Variants in LMX1B observed in about 807,000 individuals in gnomAD.
The protein encoded by LMX1B is LIM homeobox transcription factor 1 beta.
LMX1B carries 12 observed loss-of-function variants against 51.4 expected under a neutral mutation model. That is an observed-to-expected ratio of 0.23 (90% confidence interval 0.15 to 0.38). The LOEUF is 0.38. Ranked by LOEUF, LMX1B falls within the 10% of genes least tolerant of loss-of-function variation. LMX1B has a pLI of 1.00. For synonymous variants in LMX1B, 237 were observed against 235.4 expected, an observed-to-expected ratio of 1.01 and a Z score of -0.06; for missense variants, 445 against 571.1, an observed-to-expected ratio of 0.78 and a Z score of 2.25.
rs774910309 is a variant in LMX1B, at chr9:126,693,265, C to T, written c.683C>T (p.Thr228Met). The T allele has an allele frequency of 7.4e-6, 12 of 1,611,722 alleles. No individual in the cohort carries two copies. The highest frequency in any genetic ancestry group is 2.7e-5 in the African/African-American group (2 of 74,878). The change falls in exon 4 of 8, where the codon ACG becomes ATG. Residue 228 changes from threonine (T) to methionine (M), a missense_variant. Around this residue, in one of 3 missense-constraint regions of LMX1B, gnomAD observed 273 missense variants for 343.3 expected, o/e 0.80. Transcript: ENST00000373474. ...RPKRPRTILT[T>M]QQRRAFKASF... ...AAGCGACCCCGGACCATCCTCACCA[C>T]GCAGCAGCGAAGAGCCTTCAAGGCC...
intron 3 of LMX1B, among the ~76,000 whole-genome samples, chr9:126,692,085 T>G (rs1027294062): frequency 5.3e-5 from 8 of 152,170 alleles, no homozygotes; most frequent in African/African-American, 1.9e-4. Context: ...CCTGGAGCCC[T>G]CCGGCAACAG....
intron 2 of LMX1B, among the ~76,000 whole-genome samples, chr9:126,627,966 G>T (rs1453877718): frequency 2.0e-5 from 3 of 152,274 alleles, no homozygotes; most frequent in Admixed American, 6.5e-5. Context: ...GGATGGGAAG[G>T]TTCTTCAATC....
chr9:126,678,917 A>G (rs544146343), intron 2 of LMX1B, among the ~76,000 whole-genome samples: 1 of 152,350 alleles, frequency 6.6e-6, no homozygotes, highest in South Asian at 2.1e-4. Context: ...GCTCAAAGAA[A>G]GTTTATTAGT....
At chr9:126,624,962 T>G (rs1477890808) in intron 2 of LMX1B, among the ~76,000 whole-genome samples, 1 of 152,220 alleles carries the variant, frequency 6.6e-6, no homozygotes, top group African/African-American at 2.4e-5. Context: ...CGGTTTTATC[T>G]TCTAATAAGA....
rs1312579911 is a variant in LMX1B at position 126,658,802 on chromosome 9, C to T, written c.327-32034C>T. 6.6e-6 allele frequency among the ~76,000 whole-genome samples: 1 copy of T among 152,254 alleles called. No homozygotes were observed. Among genetic ancestry groups the T allele is most frequent in the Non-Finnish European group, 1.5e-5 (1 of 68,042 alleles). ...GGAAAGTCATTTGCATTCATTGCAG[C>T]AGGAGAGACCGGGGGTTCAAATTCA... On this transcript the variant is annotated intron_variant, in intron 2 of 7. Transcript: ENST00000373474. The surrounding 1 kb of genome is among the most constrained non-coding windows in gnomAD (Gnocchi z 4.0).
chr9:126,629,974 T>C (rs1835603743), intron 2 of LMX1B, among the ~76,000 whole-genome samples: 2 of 151,680 alleles, frequency 1.3e-5, no homozygotes, highest in African/African-American at 4.8e-5. Flanking sequence ...TGAAACCCCG[T>C]CTCCACTAAA....
At position 126,673,706 on chromosome 9, in the gene LMX1B, C is replaced by T. The variant is rs1051004403; in HGVS notation, c.327-17130C>T. Reference sequence around the variant, plus strand: ...ACTGTGCTTCCTGGGCGCCTCACCTCCTCCCTGACTCCTGGAGACTCCCAG... The same window carrying T: ...ACTGTGCTTCCTGGGCGCCTCACCTTCTCCCTGACTCCTGGAGACTCCCAG... On this transcript the variant is annotated intron_variant, in intron 2 of 7. Transcript: ENST00000373474. The surrounding 1 kb of genome is among the most constrained non-coding windows in gnomAD (Gnocchi z 4.4). Among the ~76,000 whole-genome samples the T allele has an allele frequency of 6.6e-6, 1 of 152,116 alleles. No homozygotes were observed. The highest frequency in any genetic ancestry group is 1.5e-5 in the Non-Finnish European group (1 of 68,024).
chr9:126,620,477 A>G (rs1345050278), intron 2 of LMX1B, among the ~76,000 whole-genome samples: 1 of 152,180 alleles, frequency 6.6e-6, no homozygotes, highest in Non-Finnish European at 1.5e-5. Context: ...CGGGGGATCC[A>G]TTATCCTCTC....
At chr9:126,680,489 C>T (rs1433843295) in intron 2 of LMX1B, among the ~76,000 whole-genome samples, 1 of 152,180 alleles carries the variant, frequency 6.6e-6, no homozygotes, top group Non-Finnish European at 1.5e-5. Flanking sequence ...ATGTGGGCAA[C>T]AGTCAATACA....
chr9:126,684,817 G>A (rs187491660), intron 2 of LMX1B, among the ~76,000 whole-genome samples: 76 of 152,296 alleles, frequency 5.0e-4, no homozygotes, highest in African/African-American at 1.8e-3. Context: ...AGCCCTGCAG[G>A]AGGCATGCGT....
At chr9:126,682,083 C>CTTTTTTTTT (rs71377953) in intron 2 of LMX1B, among the ~76,000 whole-genome samples, 35 of 53,376 alleles carry the variant, frequency 6.6e-4, no homozygotes, top group Non-Finnish European at 7.6e-4. Context: ...TCCCCAGGGT[C>CTTTTTTTTT]TTTTTTTTTT....
chr9:126,661,277 C>T (rs1243186005), intron 2 of LMX1B, among the ~76,000 whole-genome samples: 5 of 134,564 alleles, frequency 3.7e-5, no homozygotes, highest in African/African-American at 7.5e-5. Context: ...GGACGCCCCA[C>T]GCAGGGCGAC....
rs375778910 is a variant in LMX1B, at chr9:126,653,255, C to T, written c.327-37581C>T. On this transcript the variant is annotated intron_variant, in intron 2 of 7. Transcript: ENST00000373474. The stretch of plus-strand genomic sequence containing the variant: ...GCAGCCTTGACCTGCCAGGCTGAAG[C>T]AATTCTCCTACCTCAGCTACCCCCG... Among the ~76,000 whole-genome samples, 74 of 142,378 alleles carry T rather than the reference C, an allele frequency of 5.2e-4. No homozygotes were observed. In the South Asian group the frequency reaches 0.011, roughly 21 times the overall value. The allele number at this position is 142,378 out of a possible 152,430, so 93.4% of individuals were successfully genotyped here.
At chr9:126,683,142 C>T (rs1384461039) in intron 2 of LMX1B, among the ~76,000 whole-genome samples, 11 of 150,974 alleles carry the variant, frequency 7.3e-5, no homozygotes, top group Non-Finnish European at 1.6e-4. Flanking sequence ...GCAGGGGCAG[C>T]CCTCGCTGCA....
rs1835332458 is a variant in LMX1B, at chr9:126,617,884, AG to A, written c.326+2317del. ...ATAACGCCAATTAGGTATCTGCGTT[AG>A]GCCGGCCGGCAGGATGTGCTGGGGG... On this transcript the variant is annotated intron_variant, in intron 2 of 7. Transcript: ENST00000373474. 8.4e-5 allele frequency among the ~76,000 whole-genome samples: 9 copies of A among 107,142 alleles called. No homozygotes were observed. In the South Asian group the frequency reaches 3.2e-3, roughly 38 times the overall value. 70.3% of individuals were successfully genotyped at this position (107,142 alleles called of 152,430 possible).
rs1218167913 is a variant in LMX1B at position 126,699,133 on chromosome 9, TTC to T, written c.*2689_*2690del. The T allele has an allele frequency of 1.3e-5, 2 of 152,224 alleles. No individual in the cohort carries two copies. Among genetic ancestry groups the T allele is most frequent in the South Asian group, 4.1e-4 (2 of 4,826 alleles). 9.4% of individuals were successfully genotyped at this position (152,224 alleles called of 1,614,324 possible). A position where few individuals can be genotyped will look rare whatever the true frequency, so the allele number is the denominator to read the frequency against. On this transcript the variant is annotated 3_prime_UTR_variant, in exon 8 of 8. Transcript: ENST00000373474. The stretch of plus-strand genomic sequence containing the variant: ...CCCTATCCCCCAGGAGACCTGGCCC[TTC>T]TCTCTCAGACCCAATAAGTTGGAAG...
At chr9:126,629,870 G>T (rs1356538406) in intron 2 of LMX1B, among the ~76,000 whole-genome samples, 3 of 151,902 alleles carry the variant, frequency 2.0e-5, no homozygotes, top group African/African-American at 7.3e-5. Context: ...GGTTGGCCGG[G>T]TGTGGTGGCT....
At chr9:126,632,649 C>T (rs1045598427) in intron 2 of LMX1B, among the ~76,000 whole-genome samples, 3 of 152,038 alleles carry the variant, frequency 2.0e-5, no homozygotes, top group South Asian at 4.1e-4. Context: ...AGGGTAGTTG[C>T]GGGAACCAGA....
chr9:126,617,336 G>A (rs1240666278), intron 2 of LMX1B, among the ~76,000 whole-genome samples: 1 of 151,946 alleles, frequency 6.6e-6, no homozygotes, highest in African/African-American at 2.4e-5. Flanking sequence ...CAACACATGG[G>A]GGAAGGGGGC....
Sources: allele counts gnomAD v4.1 joint callset (sites outside exome capture counted in the v4.1 genomes callset), GRCh38; gene constraint gnomAD v4.1.1; regional missense constraint gnomAD v4.1.1; non-coding constraint Gnocchi (gnomAD v3.1); transcripts MANE v1.5; gene names NCBI Gene and HGNC (gene_info 2026-07-23, HGNC 2026-07-21).